MAP6: variants seen among roughly 807,000 people sequenced by gnomAD.
MAP6 encodes microtubule associated protein 6, also known as microtubule-associated protein 6.
Under a neutral mutation model 42.4 loss-of-function variants are expected in MAP6, and 26 were observed. That is an observed-to-expected ratio of 0.61 (90% confidence interval 0.45 to 0.85). The LOEUF (loss-of-function observed/expected upper bound fraction) is 0.85. Ranked by LOEUF, MAP6 falls within the 40% of genes least tolerant of loss-of-function variation. MAP6 has a pLI of 0.00. For missense variants in MAP6, 966 were observed against 1,099.0 expected (o/e 0.88, Z 1.71); for synonymous variants, 418 against 443.8 (o/e 0.94, Z 0.73).
chr11:75,604,215 G>A, intron 3 of MAP6: 1 of 985,886 alleles, frequency 1.0e-6, no homozygotes, highest in Non-Finnish European at 1.2e-6. Context: ...TATGGCTCAT[G>A]TAGCACACGC....
At chr11:75,603,631 T>C (rs1942705527) in intron 3 of MAP6, 1 of 982,948 alleles carries the variant, frequency 1.0e-6, no homozygotes, top group Non-Finnish European at 1.2e-6. Flanking sequence ...GGGACCCTTA[T>C]GTCAAACTGC....
At chr11:75,630,522 G>A (rs1296082654) in intron 1 of MAP6, among the ~76,000 whole-genome samples, 1 of 152,110 alleles carries the variant, frequency 6.6e-6, no homozygotes, top group Admixed American at 6.6e-5. Flanking sequence ...TTTTAAAAGA[G>A]GCTTCTATCT....
intron 3 of MAP6, 105 bp downstream of exon 3, chr11:75,605,703 C>G: frequency 2.6e-6 from 4 of 1,531,676 alleles, no homozygotes; most frequent in Admixed American, 2.1e-5. Context: ...AGATGAGAAG[C>G]CTCTAATTAA....
intron 1 of MAP6, among the ~76,000 whole-genome samples, chr11:75,648,139 CTA>C (rs1412888776): frequency 6.6e-6 from 1 of 152,180 alleles, no homozygotes; most frequent in African/African-American, 2.4e-5. Context: ...CTATCTCACA[CTA>C]TACACAAAAT....
intron 1 of MAP6, among the ~76,000 whole-genome samples, chr11:75,663,415 T>C (rs1393058696): frequency 6.6e-6 from 1 of 152,158 alleles, no homozygotes; most frequent in Non-Finnish European, 1.5e-5. Flanking sequence ...AAAATTCAAC[T>C]AAATGAAATT....
Position 75,667,914 on chromosome 11 carries a change from G to A in MAP6, c.456C>T (p.Arg152=), listed in dbSNP as rs745559278. The change falls in exon 1 of 4, where the codon CGC becomes CGT. Residue 152 remains arginine (R), a synonymous_variant. Transcript: ENST00000304771. The surrounding 1 kb of genome is among the most constrained non-coding windows in gnomAD (Gnocchi z 5.6). ...EYQPSDAPFE[R]ETQYQKDFRA... Reference sequence around the variant, plus strand: ...GGAAGTCCTTCTGGTACTGGGTCTCGCGCTCGAAGGGAGCGTCGGAGGGCT... The same window carrying A: ...GGAAGTCCTTCTGGTACTGGGTCTCACGCTCGAAGGGAGCGTCGGAGGGCT... 4.9e-6 allele frequency: 7 copies of A among 1,416,680 alleles called. No homozygotes were observed. The South Asian group carries it at 7.6e-5, about 15-fold the overall frequency. 87.8% of individuals were successfully genotyped at this position (1,416,680 alleles called of 1,614,324 possible).
At position 75,605,794 on chromosome 11, in the gene MAP6, G is replaced by A. The variant is rs1261003785; in HGVS notation, c.1316+14C>T. 2 of 1,613,584 alleles carry A rather than the reference G, an allele frequency of 1.2e-6. No individual in the cohort carries two copies. Among genetic ancestry groups the A allele is most frequent in the Admixed American group, 1.7e-5 (1 of 59,984 alleles). On this transcript the variant is annotated intron_variant, in intron 3 of 3. Coordinates refer to ENST00000304771, the MANE Select transcript of MAP6 (RefSeq NM_033063.2). ...AGAGAGAGAAGAGTAAAAGGAAAGT[G>A]CAGGGAAATTTACTCTTTCGCCTCA...
intron 1 of MAP6, among the ~76,000 whole-genome samples, chr11:75,665,024 T>C (rs1385546959): frequency 3.3e-5 from 5 of 152,192 alleles, no homozygotes; most frequent in Non-Finnish European, 5.9e-5. Context: ...AAAATAGTAC[T>C]CCTGGCCCGA....
chr11:75,607,980 A>G (rs1942810660), intron 2 of MAP6, 129 bp downstream of exon 2: 1 of 811,430 alleles, frequency 1.2e-6, no homozygotes, highest in East Asian at 2.6e-5. Flanking sequence ...TGTGCTTTAG[A>G]GGAAGCAGGG....
intron 1 of MAP6, among the ~76,000 whole-genome samples, chr11:75,647,347 C>CAAAAA: frequency 9.1e-5 from 4 of 44,170 alleles, no homozygotes; most frequent in Non-Finnish European, 1.3e-4. Flanking sequence ...CCCACCTGAT[C>CAAAAA]AAAAAAAAAA....
chr11:75,613,899 A>T (rs970588085), intron 1 of MAP6, among the ~76,000 whole-genome samples: 23 of 152,160 alleles, frequency 1.5e-4, no homozygotes, highest in Admixed American at 1.5e-3. Flanking sequence ...AGTGGGCAAG[A>T]CTTTTCTGGG....
chr11:75,660,083 G>T (rs929851070), intron 1 of MAP6, among the ~76,000 whole-genome samples: 1 of 152,128 alleles, frequency 6.6e-6, no homozygotes, highest in Admixed American at 6.6e-5. Context: ...AGGTTTCCAT[G>T]ACAAGTTTCT....
intron 1 of MAP6, among the ~76,000 whole-genome samples, chr11:75,629,164 T>C (rs1022600038): frequency 1.5e-4 from 23 of 152,210 alleles, no homozygotes; most frequent in African/African-American, 5.3e-4. Context: ...CTCGGCTCAC[T>C]GCAAATTCCG....
chr11:75,612,720 C>A (rs184251609), intron 1 of MAP6, among the ~76,000 whole-genome samples: 1 of 152,122 alleles, frequency 6.6e-6, no homozygotes, highest in Non-Finnish European at 1.5e-5. Context: ...AGTTTCTGAG[C>A]GAAGCAGCAC....
intron 1 of MAP6, among the ~76,000 whole-genome samples, chr11:75,633,936 C>T (rs1943326664): frequency 6.6e-6 from 1 of 152,190 alleles, no homozygotes; most frequent in East Asian, 1.9e-4. Context: ...TGATGTAGCT[C>T]CGAGTGGCAC....
At chr11:75,615,171 AGAT>A (rs1031408476) in intron 1 of MAP6, among the ~76,000 whole-genome samples, 26 of 152,336 alleles carry the variant, frequency 1.7e-4, no homozygotes, top group Non-Finnish European at 3.1e-4. Flanking sequence ...AACCTGGGCC[AGAT>A]GATGATGATG....
At chr11:75,615,024 A>C (rs1942973541) in intron 1 of MAP6, among the ~76,000 whole-genome samples, 1 of 152,224 alleles carries the variant, frequency 6.6e-6, no homozygotes, top group South Asian at 2.1e-4. Flanking sequence ...ATAAAGATGC[A>C]CCTGCCTTGG....
chr11:75,646,571 G>A (rs1378516709), intron 1 of MAP6, among the ~76,000 whole-genome samples: 5 of 150,762 alleles, frequency 3.3e-5, no homozygotes, highest in Admixed American at 6.6e-5. Flanking sequence ...CTGGGAGGCC[G>A]AGGTGGGCGG....
At chr11:75,593,647 T>G (rs1050397081) in intron 3 of MAP6, among the ~76,000 whole-genome samples, 1 of 152,220 alleles carries the variant, frequency 6.6e-6, no homozygotes, top group Non-Finnish European at 1.5e-5. Context: ...TAGGGCATAA[T>G]TCAGAGAGTG....
Sources: gnomAD v4.1 joint callset for allele counts (sites outside exome capture counted in the v4.1 genomes callset) on GRCh38, gnomAD v4.1.1 for gene constraint, Gnocchi (gnomAD v3.1) non-coding constraint, MANE v1.5 for transcripts, NCBI Gene and HGNC (gene_info 2026-07-23, HGNC 2026-07-21) for gene names.